ROBO2: variants seen among roughly 807,000 people sequenced by gnomAD.
ROBO2 encodes the protein roundabout homolog 2.
In ROBO2, 53 loss-of-function variants were observed where a neutral mutation model predicts 160.8. That is an observed-to-expected ratio of 0.33 (90% CI 0.26 to 0.41). ROBO2 has a LOEUF of 0.41. ROBO2 is among the 10% of genes least tolerant of loss of function. The probability of loss-of-function intolerance (pLI) is 1.00; values close to 1 mark genes in which losing one functional copy is unlikely to be tolerated. For missense variants in ROBO2, 1,577 were observed against 1,722.4 expected (o/e 0.92, Z 1.49); for synonymous variants, 664 against 611.7 (o/e 1.09, Z -1.26).
chr3:76,133,957 T>G (rs901404967), intron 2 of ROBO2, among the ~76,000 whole-genome samples: 1 of 152,074 alleles, frequency 6.6e-6, no homozygotes, highest in African/African-American at 2.4e-5. Context: ...ACACTCAATA[T>G]TAGCCATCAC....
At chr3:77,339,853 A>G (rs559441165) in intron 2 of ROBO2, among the ~76,000 whole-genome samples, 1 of 152,196 alleles carries the variant, frequency 6.6e-6, no homozygotes, top group African/African-American at 2.4e-5. Flanking sequence ...TTTATTTGAA[A>G]ACTGCTTATT....
Position 76,466,358 on chromosome 3 carries a change from G to C in ROBO2, c.109+528756G>C, listed in dbSNP as rs3849497. On this transcript the variant is annotated intron_variant, in intron 2 of 26. Coordinates refer to the ROBO2 transcript ENST00000487694. ...TAATTTAAGCCTTGGGATCACCTAC[G>C]TCGATCTTACTGTGTTTCATGCCAC... 7.5e-3 allele frequency among the ~76,000 whole-genome samples: 1,136 copies of C among 151,658 alleles called. 15 individuals are homozygous for C. The highest frequency in any genetic ancestry group is 0.026 in the African/African-American group (1,077 of 41,468).
chr3:76,819,896 G>A (rs554719631), intron 2 of ROBO2, among the ~76,000 whole-genome samples: 1 of 152,108 alleles, frequency 6.6e-6, no homozygotes, highest in South Asian at 2.1e-4. Context: ...GGGAGAATGA[G>A]GATAAATACT....
At chr3:76,222,237 G>A (rs928972959) in intron 2 of ROBO2, among the ~76,000 whole-genome samples, 4 of 152,140 alleles carry the variant, frequency 2.6e-5, no homozygotes, top group Admixed American at 6.6e-5. Context: ...TTCAGTTCTT[G>A]CCTCCTCAGA....
At chr3:77,210,587 C>G (rs1200767476) in intron 2 of ROBO2, among the ~76,000 whole-genome samples, 1 of 151,700 alleles carries the variant, frequency 6.6e-6, no homozygotes, top group East Asian at 1.9e-4. Context: ...TAAAATCTCA[C>G]AAATAATTTT....
intron 2 of ROBO2, among the ~76,000 whole-genome samples, chr3:76,997,893 G>A (rs1156448652): frequency 1.3e-5 from 2 of 152,116 alleles, no homozygotes; most frequent in Non-Finnish European, 2.9e-5. Flanking sequence ...CTCAGAGGGA[G>A]GGCTTAGCTC....
At chr3:76,933,348 C>T (rs1253346144) in intron 2 of ROBO2, among the ~76,000 whole-genome samples, 5 of 152,146 alleles carry the variant, frequency 3.3e-5, no homozygotes, top group Non-Finnish European at 7.3e-5. Context: ...CTAATTACTT[C>T]AGCAAATTTT....
chr3:76,751,053 A>C (rs1411382735), intron 2 of ROBO2, among the ~76,000 whole-genome samples: 2 of 152,242 alleles, frequency 1.3e-5, no homozygotes, highest in South Asian at 4.1e-4. Flanking sequence ...CTATACTACA[A>C]GGCTACAGTA....
chr3:76,650,577 A>C (rs944689756), intron 2 of ROBO2, among the ~76,000 whole-genome samples: 1 of 151,858 alleles, frequency 6.6e-6, no homozygotes, highest in African/African-American at 2.4e-5. Context: ...GATAATTAAC[A>C]GGTGAAAGTT....
chr3:77,220,439 A>C lies in ROBO2; in HGVS notation c.388+122099A>C, dbSNP rs1179387549. ...AAAAATTGATTATTAATTTAAAATT[A>C]ATCATTTTAACTCAATGCTTTACAT... On this transcript the variant is annotated intron_variant, in intron 2 of 25. Transcript: ENST00000461745. Among the ~76,000 whole-genome samples the C allele has an allele frequency of 3.9e-5, 6 of 152,192 alleles. No individual in the cohort carries two copies. The East Asian group carries it at 1.2e-3, about 29-fold the overall frequency.
At chr3:76,364,392 T>C (rs1006287283) in intron 2 of ROBO2, among the ~76,000 whole-genome samples, 1 of 152,112 alleles carries the variant, frequency 6.6e-6, no homozygotes, top group African/African-American at 2.4e-5. Flanking sequence ...ATGATGTGTC[T>C]GTCATTAGAT....
chr3:77,043,079 G>A (rs1237555210), intron 1 of ROBO2, among the ~76,000 whole-genome samples: 3 of 152,184 alleles, frequency 2.0e-5, no homozygotes, highest in African/African-American at 2.4e-5. Flanking sequence ...GTTTCTCCAC[G>A]GGGATGGTTG....
chr3:76,438,215 G>A (rs772413571), intron 2 of ROBO2, among the ~76,000 whole-genome samples: 23 of 152,030 alleles, frequency 1.5e-4, no homozygotes, highest in Non-Finnish European at 2.9e-4. Flanking sequence ...TGAAAGTTGT[G>A]TAAATATTGG....
At chr3:76,202,167 C>T (rs1352704323) in intron 2 of ROBO2, among the ~76,000 whole-genome samples, 1 of 152,112 alleles carries the variant, frequency 6.6e-6, no homozygotes, top group African/African-American at 2.4e-5. Flanking sequence ...CCACATATAT[C>T]GTGTTATGCT....
At chr3:77,409,109 A>ATATG (rs1221026941) in intron 2 of ROBO2, among the ~76,000 whole-genome samples, 3 of 148,032 alleles carry the variant, frequency 2.0e-5, no homozygotes, top group African/African-American at 7.4e-5. Context: ...ATATGTATAT[A>ATATG]TATATATATA....
chr3:77,489,741 A>C (rs984659087), intron 4 of ROBO2, among the ~76,000 whole-genome samples: 2 of 152,184 alleles, frequency 1.3e-5, no homozygotes, highest in Non-Finnish European at 2.9e-5. Flanking sequence ...ATTGTTTTTC[A>C]ATTTATTTTA....
At chr3:76,308,393 A>G (rs181065145) in intron 2 of ROBO2, among the ~76,000 whole-genome samples, 3,176 of 151,158 alleles carry the variant, frequency 0.021, 106 homozygotes, top group African/African-American at 0.069. Flanking sequence ...AAAAAAAAAA[A>G]AAAAGAAAGA....
chr3:77,366,096 T>G (rs2070828463), intron 2 of ROBO2, among the ~76,000 whole-genome samples: 1 of 152,142 alleles, frequency 6.6e-6, no homozygotes, highest in Admixed American at 6.6e-5. Context: ...CTAAATGAAT[T>G]TTTCTGTTGA....
intron 2 of ROBO2, among the ~76,000 whole-genome samples, chr3:76,431,483 A>G (rs73113852): frequency 0.025 from 3,814 of 152,278 alleles, 71 homozygotes; most frequent in Non-Finnish European, 0.04. Context: ...CATGAATGAT[A>G]TAGTAAATCT....
Sources: allele counts gnomAD v4.1 joint callset (sites outside exome capture counted in the v4.1 genomes callset), GRCh38; gene constraint gnomAD v4.1.1; transcripts MANE v1.5; gene names NCBI Gene and HGNC (gene_info 2026-07-23, HGNC 2026-07-21).